AGT: variants seen among roughly 807,000 people sequenced by gnomAD.
The protein encoded by AGT is alpha-1 antiproteinase, antitrypsin.
A neutral mutation model predicts 28.1 loss-of-function variants in AGT; 26 were observed. The ratio of observed to expected loss-of-function variants is 0.92; its 90% confidence interval spans 0.68 to 1.28. AGT has a LOEUF of 1.28. AGT is among the 50% of genes most tolerant of loss of function. AGT has a pLI of 0.00. For synonymous variants in AGT, 259 were observed against 259.6 expected (o/e 1.00, Z 0.02); for missense variants, 596 against 592.3 (o/e 1.01, Z -0.06).
At chr1:230,719,379 A>ATTT (rs1260529638), upstream of AGT, among the ~76,000 whole-genome samples, 134 of 133,350 alleles carry the variant, frequency 1.0e-3, no homozygotes, top group South Asian at 9.4e-3. Flanking sequence ...ATTTCTTTCT[A>ATTT]TTTTTTATTA....
intron 1 of AGT, among the ~76,000 whole-genome samples, chr1:230,725,620 T>A (rs570345132): frequency 1.3e-5 from 2 of 152,328 alleles, no homozygotes; most frequent in South Asian, 4.1e-4. Context: ...GATATAAATA[T>A]TGCTCTTGTG....
intron 3 of AGT, among the ~76,000 whole-genome samples, chr1:230,704,826 C>T (rs562151657): frequency 6.6e-6 from 1 of 152,278 alleles, no homozygotes; most frequent in Admixed American, 6.5e-5. Flanking sequence ...CTTTTGGCAT[C>T]CTTCAGAGCC....
chr1:230,740,813 G>T (rs1483947955), intron 1 of AGT, among the ~76,000 whole-genome samples: 2 of 152,166 alleles, frequency 1.3e-5, no homozygotes, highest in Admixed American at 1.3e-4. Flanking sequence ...GCTGGATGTG[G>T]TGGCACACGC....
chr1:230,706,331 G>T, intron 2 of AGT, 131 bp from the exon 3 acceptor site: 2 of 1,024,920 alleles, frequency 2.0e-6, no homozygotes, highest in Non-Finnish European at 2.8e-6. Context: ...CCCCCCCCAG[G>T]CCACTCTGCA....
intron 1 of AGT, among the ~76,000 whole-genome samples, chr1:230,745,462 A>C (rs1482493946): frequency 6.6e-6 from 1 of 152,224 alleles, no homozygotes; most frequent in Non-Finnish European, 1.5e-5. Flanking sequence ...AGGCTTCTAT[A>C]ACAAAACAGC....
At position 230,704,190 on chromosome 1, in the gene AGT, T is replaced by C. The variant is rs112106141; in HGVS notation, c.1242+3A>G. On this transcript the variant is annotated splice_donor_region_variant and intron_variant, in intron 4 of 4. Coordinates refer to ENST00000366667, the MANE Select transcript of AGT (RefSeq NM_001384479.1). ...TCAGGCACAGACACAGGCTCACACA[T>C]ACCTCCCCCACCCTGATGCGGTCAT... 1 of 1,614,196 alleles carries C rather than the reference T, an allele frequency of 6.2e-7. No homozygotes were observed. The highest frequency in any genetic ancestry group is 1.6e-4 in the Middle Eastern group (1 of 6,062).
intron 1 of AGT, among the ~76,000 whole-genome samples, chr1:230,734,888 G>A (rs1163078552): frequency 6.6e-6 from 1 of 151,206 alleles, no homozygotes; most frequent in South Asian, 2.1e-4. Context: ...TTTTTTTTTT[G>A]TATGTTTAGT....
chr1:230,717,750 T>C (rs1162620519), upstream of AGT, among the ~76,000 whole-genome samples: 1 of 152,170 alleles, frequency 6.6e-6, no homozygotes, highest in Non-Finnish European at 1.5e-5. Flanking sequence ...CTGGTCCTCA[T>C]TGCTGCCCAT....
intron 1 of AGT, among the ~76,000 whole-genome samples, chr1:230,713,654 G>C (rs563389842): frequency 6.6e-6 from 1 of 152,284 alleles, no homozygotes; most frequent in African/African-American, 2.4e-5. Context: ...AGTCTGTCTC[G>C]AGGGAGGGGT....
intron 1 of AGT, among the ~76,000 whole-genome samples, chr1:230,739,597 G>T (rs560162996): frequency 6.6e-6 from 1 of 152,050 alleles, no homozygotes; most frequent in South Asian, 2.1e-4. Context: ...CTGAGCTTCC[G>T]GGGTAATTAC....
intron 1 of AGT, among the ~76,000 whole-genome samples, chr1:230,722,952 G>T (rs1189905871): frequency 6.6e-6 from 1 of 152,186 alleles, no homozygotes; most frequent in African/African-American, 2.4e-5. Context: ...GGTGGAGAAT[G>T]ATACGGTTTA....
intron 1 of AGT, among the ~76,000 whole-genome samples, chr1:230,740,174 T>C (rs923048105): frequency 6.6e-6 from 1 of 152,182 alleles, no homozygotes; most frequent in Non-Finnish European, 1.5e-5. Flanking sequence ...ATGATGCAGG[T>C]GGGAGTGTCT....
chr1:230,723,164 C>G (rs1663879065), intron 1 of AGT, among the ~76,000 whole-genome samples: 1 of 152,332 alleles, frequency 6.6e-6, no homozygotes, highest in East Asian at 1.9e-4. Context: ...ACACACTTTT[C>G]TCTCTTCTCC....
chr1:230,745,251 TA>T (rs1250956740), intron 1 of AGT, among the ~76,000 whole-genome samples: 1 of 152,026 alleles, frequency 6.6e-6, no homozygotes, highest in Non-Finnish European at 1.5e-5. Flanking sequence ...GCAGAGAGGA[TA>T]GGGGAAAGGG....
chr1:230,710,899 C>T (rs1553314139), intron 1 of AGT, 46 bp from the exon 2 acceptor site: 7 of 1,595,298 alleles, frequency 4.4e-6, no homozygotes, highest in Non-Finnish European at 5.1e-6. Flanking sequence ...ATTAACTGAC[C>T]TTTAAGTGCC....
chr1:230,731,810 C>T (rs562705349), intron 1 of AGT, among the ~76,000 whole-genome samples: 10 of 151,960 alleles, frequency 6.6e-5, no homozygotes, highest in Admixed American at 3.3e-4. Flanking sequence ...GAGGTTGCAA[C>T]GAACCAAGAT....
At chr1:230,716,904 T>A (rs1164540952), upstream of AGT, among the ~76,000 whole-genome samples, 2 of 151,374 alleles carry the variant, frequency 1.3e-5, no homozygotes, top group African/African-American at 4.9e-5. Context: ...GCTATTGGGA[T>A]ATGTAGGGAA....
intron 4 of AGT, among the ~76,000 whole-genome samples, chr1:230,703,730 C>G (rs1663297147): frequency 6.6e-6 from 1 of 152,230 alleles, no homozygotes; most frequent in African/African-American, 2.4e-5. Flanking sequence ...CACTTTCTCC[C>G]CAGCACTGAG....
chr1:230,712,928 C>T (rs1253914132), intron 1 of AGT, among the ~76,000 whole-genome samples: 1 of 152,160 alleles, frequency 6.6e-6, no homozygotes, highest in Non-Finnish European at 1.5e-5. Context: ...CCTACTTCTC[C>T]CGGGCTGAAT....
Sources: allele counts gnomAD v4.1 joint callset (sites outside exome capture counted in the v4.1 genomes callset), GRCh38; gene constraint gnomAD v4.1.1; transcripts MANE v1.5; gene names NCBI Gene and HGNC (gene_info 2026-07-23, HGNC 2026-07-21).